The following PRORP variants were observed in gnomAD, a reference collection of about 807,000 sequenced individuals.
PRORP encodes the protein protein only RNase P catalytic subunit, also known as mitochondrial ribonuclease P catalytic subunit.
In PRORP, 51 loss-of-function variants were observed where a neutral mutation model predicts 59.4. The ratio of observed to expected loss-of-function variants is 0.86; its 90% CI spans 0.69 to 1.08. The LOEUF is 1.08. Among genes scored for constraint, PRORP ranks in the 50% least tolerant of loss-of-function variants. PRORP has a pLI of 0.00. For missense variants in PRORP, 646 were observed against 690.3 expected, an observed-to-expected ratio of 0.94 and a Z score of 0.72; for synonymous variants, 231 against 245.6, an observed-to-expected ratio of 0.94 and a Z score of 0.55.
chr14:35,241,471 A>C (rs1281914857), intron 5 of PRORP, among the ~76,000 whole-genome samples: 1 of 151,908 alleles, frequency 6.6e-6, no homozygotes, highest in Non-Finnish European at 1.5e-5. Flanking sequence ...TTTGTGGCTC[A>C]CATTATATTT....
At chr14:35,127,777 T>A (rs1490608846) in intron 4 of PRORP, among the ~76,000 whole-genome samples, 166 bp downstream of exon 4, 2 of 152,206 alleles carry the variant, frequency 1.3e-5, no homozygotes, top group Non-Finnish European at 2.9e-5. Context: ...AGATAATACA[T>A]AAATGAATAG....
intron 5 of PRORP, among the ~76,000 whole-genome samples, chr14:35,258,859 A>G (rs149548086): frequency 8.3e-4 from 126 of 152,346 alleles, no homozygotes; most frequent in Non-Finnish European, 1.5e-3. Context: ...ATAGCTGTAT[A>G]AGAAGGACTA....
intron 6 of PRORP, among the ~76,000 whole-genome samples, chr14:35,269,446 G>A (rs1439559745): frequency 1.3e-5 from 2 of 152,090 alleles, no homozygotes; most frequent in Admixed American, 6.6e-5. Flanking sequence ...GACCTTCTTT[G>A]TCGCTTTGGA....
chr14:35,134,247 C>T (rs774966924), intron 4 of PRORP, among the ~76,000 whole-genome samples: 5 of 152,092 alleles, frequency 3.3e-5, no homozygotes, highest in Admixed American at 6.5e-5. Flanking sequence ...GGAGCCCCAC[C>T]GTGTGGCCAC....
In PRORP at chr14:35,144,672, A is replaced by G. The variant is rs142081069; in HGVS notation, c.1167+17061A>G. 8.0e-4 allele frequency among the ~76,000 whole-genome samples: 117 copies of G among 146,078 alleles called. 29 individuals carry two copies. The East Asian group carries it at 0.023, about 28-fold the overall frequency. On this transcript the variant is annotated intron_variant, in intron 4 of 7. Coordinates refer to ENST00000534898, the MANE Select transcript of PRORP (RefSeq NM_014672.4). ...TAATCGTTCTTTGATACTATGCCCA[A>G]ACTCTACTGTACACTTGTGAGCAAA...
At chr14:35,169,148 C>G (rs2138984607) in intron 4 of PRORP, among the ~76,000 whole-genome samples, 1 of 151,976 alleles carries the variant, frequency 6.6e-6, no homozygotes, top group South Asian at 2.1e-4. Flanking sequence ...TAGTATACTG[C>G]ATCCCATGAA....
At chr14:35,194,733 T>C (rs1358525737) in intron 5 of PRORP, among the ~76,000 whole-genome samples, 6 of 152,144 alleles carry the variant, frequency 3.9e-5, no homozygotes. Context: ...TGGATCCAGC[T>C]CAGCCTTCCA....
intron 7 of PRORP, among the ~76,000 whole-genome samples, chr14:35,271,420 G>A (rs2051186755): frequency 6.6e-6 from 1 of 151,922 alleles, no homozygotes; most frequent in Admixed American, 6.6e-5. Flanking sequence ...GCCTCCCAAA[G>A]TGCTGGGATT....
intron 4 of PRORP, among the ~76,000 whole-genome samples, chr14:35,135,231 A>G (rs1014500648): frequency 2.0e-5 from 3 of 152,238 alleles, no homozygotes; most frequent in Admixed American, 1.3e-4. Flanking sequence ...TCAGTGATAC[A>G]AAGTTAAAAC....
chr14:35,244,917 T>C (rs575935807), intron 5 of PRORP, among the ~76,000 whole-genome samples: 3 of 106,728 alleles, frequency 2.8e-5, no homozygotes, highest in African/African-American at 8.6e-5. Context: ...CAACTCTAGC[T>C]GTGTGAGGAA....
At chr14:35,154,306 G>A (rs998795709) in intron 4 of PRORP, among the ~76,000 whole-genome samples, 1 of 152,140 alleles carries the variant, frequency 6.6e-6, no homozygotes, top group Admixed American at 6.5e-5. Flanking sequence ...GCATCAAATC[G>A]TTGTTGAGGT....
intron 4 of PRORP, among the ~76,000 whole-genome samples, chr14:35,154,902 CT>C (rs146425703): frequency 6.0e-5 from 9 of 148,952 alleles, no homozygotes; most frequent in Non-Finnish European, 7.5e-5. Flanking sequence ...AGTTAAAACT[CT>C]TTTTTTTTTG....
At chr14:35,218,459 T>TTTAA (rs1555329355) in intron 5 of PRORP, among the ~76,000 whole-genome samples, 1 of 44,776 alleles carries the variant, frequency 2.2e-5, no homozygotes, top group African/African-American at 1.0e-4. Flanking sequence ...AGATCCTGTC[T>TTTAA]AAAAAAAGAA....
intron 5 of PRORP, among the ~76,000 whole-genome samples, chr14:35,231,063 T>C (rs1421651554): frequency 1.3e-5 from 2 of 152,022 alleles, no homozygotes. Context: ...GCTAGGTGGC[T>C]GGGGGATGGA....
At chr14:35,205,267 C>T (rs1226997947) in intron 5 of PRORP, among the ~76,000 whole-genome samples, 2 of 152,142 alleles carry the variant, frequency 1.3e-5, no homozygotes, top group Non-Finnish European at 2.9e-5. Context: ...CTGCAACCTC[C>T]ACCTCCCTGG....
chr14:35,150,651 T>C (rs1052163455), intron 4 of PRORP, among the ~76,000 whole-genome samples: 1 of 152,190 alleles, frequency 6.6e-6, no homozygotes, highest in African/African-American at 2.4e-5. Context: ...CCAGGCTTTT[T>C]TATGAGATTT....
At chr14:35,156,631 T>C (rs956417194) in intron 4 of PRORP, among the ~76,000 whole-genome samples, 9 of 152,224 alleles carry the variant, frequency 5.9e-5, no homozygotes, top group Non-Finnish European at 1.3e-4. Context: ...CAAAAGTGCA[T>C]TCTGTCATAT....
At chr14:35,216,723 C>CT (rs1307227944) in intron 5 of PRORP, among the ~76,000 whole-genome samples, 1 of 152,166 alleles carries the variant, frequency 6.6e-6, no homozygotes, top group Non-Finnish European at 1.5e-5. Flanking sequence ...AACTGTCAGA[C>CT]TTTTTTCTCC....
chr14:35,151,271 T>C (rs2047737709), intron 4 of PRORP, among the ~76,000 whole-genome samples: 1 of 152,072 alleles, frequency 6.6e-6, no homozygotes, highest in South Asian at 2.1e-4. Flanking sequence ...TTTCATTTGG[T>C]CTTCTTAGAG....
Sources: allele counts gnomAD v4.1 joint callset (sites outside exome capture counted in the v4.1 genomes callset), GRCh38; gene constraint gnomAD v4.1.1; transcripts MANE v1.5; gene names NCBI Gene and HGNC (gene_info 2026-07-23, HGNC 2026-07-21).